The following NALF1 variants were observed in gnomAD, a reference collection of about 807,000 sequenced individuals.
NALF1 encodes family with sequence similarity 155 member A.
NALF1 carries 3 observed loss-of-function variants against 48.4 expected under a neutral mutation model. The observed-to-expected ratio is 0.06, with a 90% CI of 0.03 to 0.16. The LOEUF (loss-of-function observed/expected upper bound fraction) is 0.16, where lower values mean the gene tolerates loss of function less well. NALF1 is among the 10% of genes least tolerant of loss of function. The pLI is 1.00. For missense variants in NALF1, 526 were observed against 571.5 expected (o/e 0.92, Z 0.81); for synonymous variants, 262 against 245.7 (o/e 1.07, Z -0.62).
chr13:107,621,632 G>A (rs767366607), intron 1 of NALF1, among the ~76,000 whole-genome samples: 7 of 152,072 alleles, frequency 4.6e-5, no homozygotes, highest in African/African-American at 1.4e-4. Flanking sequence ...AGGTATTCTC[G>A]TTCCTTAGGG....
At chr13:107,356,990 G>A (rs558258376) in intron 1 of NALF1, among the ~76,000 whole-genome samples, 2 of 152,338 alleles carry the variant, frequency 1.3e-5, no homozygotes, top group African/African-American at 4.8e-5. Context: ...TTGGTGAATA[G>A]ATAGTGGCCT....
At chr13:107,311,282 T>C (rs565644945) in intron 1 of NALF1, among the ~76,000 whole-genome samples, 7 of 152,276 alleles carry the variant, frequency 4.6e-5, no homozygotes, top group Admixed American at 2.6e-4. Context: ...CTTTTAAAGA[T>C]AAACATATTT....
intron 2 of NALF1, among the ~76,000 whole-genome samples, chr13:107,203,143 T>C (rs77209394): frequency 3.4e-3 from 511 of 152,350 alleles, no homozygotes; most frequent in African/African-American, 0.012. Flanking sequence ...GCAGACAAGA[T>C]AGGTAAATAC....
At chr13:107,524,957 A>AG (rs149724408) in intron 1 of NALF1, among the ~76,000 whole-genome samples, 5,500 of 151,394 alleles carry the variant, frequency 0.036, 173 homozygotes, top group African/African-American at 0.086. Flanking sequence ...AGAGAGAGAG[A>AG]AAAAAAAATA....
chr13:107,791,751 G>GGCC (rs1360490167), intron 1 of NALF1, among the ~76,000 whole-genome samples: 3 of 150,952 alleles, frequency 2.0e-5, no homozygotes, highest in Non-Finnish European at 4.4e-5. Context: ...AGGAGTTCCA[G>GGCC]ACCAGCCTGG....
At chr13:107,433,957 G>T (rs2139019779) in intron 1 of NALF1, among the ~76,000 whole-genome samples, 1 of 152,272 alleles carries the variant, frequency 6.6e-6, no homozygotes, top group South Asian at 2.1e-4. Flanking sequence ...AGCAAGGCTT[G>T]TCCACTTATT....
intron 1 of NALF1, among the ~76,000 whole-genome samples, chr13:107,296,575 T>A (rs1194994079): frequency 1.3e-5 from 2 of 152,166 alleles, no homozygotes; most frequent in Non-Finnish European, 2.9e-5. Context: ...TATTTCAAAT[T>A]GTTGGTTTCA....
At chr13:107,234,142 A>G (rs1335187166) in intron 1 of NALF1, among the ~76,000 whole-genome samples, 1 of 152,222 alleles carries the variant, frequency 6.6e-6, no homozygotes, top group Non-Finnish European at 1.5e-5. Flanking sequence ...GCACAATTAA[A>G]TAGAGGTTTC....
intron 1 of NALF1, among the ~76,000 whole-genome samples, chr13:107,402,076 G>C (rs1213009495): frequency 2.0e-5 from 3 of 152,108 alleles, no homozygotes; most frequent in African/African-American, 7.2e-5. Context: ...GCCTAGCAAA[G>C]CTGATGGGAT....
At chr13:107,498,256 T>C (rs894999747) in intron 1 of NALF1, among the ~76,000 whole-genome samples, 4 of 151,832 alleles carry the variant, frequency 2.6e-5, no homozygotes, top group Non-Finnish European at 5.9e-5. Flanking sequence ...TTCAGGCAGA[T>C]ATCATGTCAA....
intron 1 of NALF1, among the ~76,000 whole-genome samples, chr13:107,845,285 T>C (rs1479621131): frequency 1.3e-5 from 2 of 152,220 alleles, no homozygotes; most frequent in Non-Finnish European, 2.9e-5. Context: ...CGGCATAAGC[T>C]TGAAATCCTT....
intron 1 of NALF1, among the ~76,000 whole-genome samples, chr13:107,415,186 C>G (rs1308617787): frequency 6.6e-6 from 1 of 152,116 alleles, no homozygotes; most frequent in African/African-American, 2.4e-5. Context: ...CGATGAAATT[C>G]TCTGCTTTAC....
chr13:107,341,336 T>C (rs1374926511), intron 1 of NALF1, among the ~76,000 whole-genome samples: 5 of 152,120 alleles, frequency 3.3e-5, no homozygotes, highest in Non-Finnish European at 7.4e-5. Context: ...AGTTAGCTTA[T>C]GCAAAGTAAC....
At chr13:107,368,423 C>A (rs1883189844) in intron 1 of NALF1, among the ~76,000 whole-genome samples, 1 of 151,726 alleles carries the variant, frequency 6.6e-6, no homozygotes, top group Admixed American at 6.6e-5. Flanking sequence ...TCCTGCGTAG[C>A]TGGGATTACA....
intron 1 of NALF1, among the ~76,000 whole-genome samples, chr13:107,683,224 G>C (rs1337518256): frequency 6.6e-6 from 1 of 152,140 alleles, no homozygotes; most frequent in Non-Finnish European, 1.5e-5. Flanking sequence ...CTCCAGCCTG[G>C]GTGACAGAGT....
At chr13:107,454,467 C>A (rs1233087306) in intron 1 of NALF1, among the ~76,000 whole-genome samples, 2 of 152,070 alleles carry the variant, frequency 1.3e-5, no homozygotes, top group Non-Finnish European at 2.9e-5. Flanking sequence ...CATCAGATCT[C>A]GTTTGAACTC....
At chr13:107,445,276 T>C (rs569068995) in intron 1 of NALF1, among the ~76,000 whole-genome samples, 1 of 152,208 alleles carries the variant, frequency 6.6e-6, no homozygotes. Flanking sequence ...TGACCTAATC[T>C]AGTCTTCAGT....
At chr13:107,464,715 T>C (rs1884972674) in intron 1 of NALF1, among the ~76,000 whole-genome samples, 1 of 152,070 alleles carries the variant, frequency 6.6e-6, no homozygotes, top group African/African-American at 2.4e-5. Flanking sequence ...AGACAGGTTT[T>C]CTCCATGTTG....
chr13:107,314,209 T>C (rs1367148358), intron 1 of NALF1, among the ~76,000 whole-genome samples: 2 of 152,156 alleles, frequency 1.3e-5, no homozygotes, highest in Admixed American at 6.6e-5. Flanking sequence ...GCAAAGGCCA[T>C]CGGCATCCCA....
Sources: allele counts gnomAD v4.1 joint callset (sites outside exome capture counted in the v4.1 genomes callset), GRCh38; gene constraint gnomAD v4.1.1; transcripts MANE v1.5; gene names NCBI Gene and HGNC (gene_info 2026-07-23, HGNC 2026-07-21).